The following MRTFB variants were observed in gnomAD, a reference collection of about 807,000 sequenced individuals.
MRTFB encodes myocardin-related transcription factor B.
In MRTFB, 29 loss-of-function variants were observed where a neutral mutation model predicts 104.2. The observed-to-expected ratio is 0.28, with a 90% CI of 0.21 to 0.38. The LOEUF is 0.38. Among genes scored for constraint, MRTFB ranks in the 10% least tolerant of loss-of-function variants. MRTFB has a pLI of 1.00. For synonymous variants in MRTFB, 535 were observed against 519.5 expected (o/e 1.03, Z -0.41); for missense variants, 1,270 against 1,341.6 (o/e 0.95, Z 0.83).
intron 15 of MRTFB, among the ~76,000 whole-genome samples, chr16:14,254,908 TCCTCA>T (rs2043414671): frequency 6.6e-6 from 1 of 152,196 alleles, no homozygotes; most frequent in Non-Finnish European, 1.5e-5. Context: ...ATTACAGCTG[TCCTCA>T]GTGATGGAAA....
Position 14,240,281 on chromosome 16 carries a change from G to A in MRTFB, c.876G>A (p.Lys292=), listed in dbSNP as rs761768122. ...KNPNDKHRSK[K]CKDPKPRVKK... is the part of the protein sequence containing the mutation. Reference sequence around the variant, plus strand: ...CAAATGACAAACACCGTAGCAAAAAGTGCAAAGATCCCAAACCACGGGTAA... The same window carrying A: ...CAAATGACAAACACCGTAGCAAAAAATGCAAAGATCCCAAACCACGGGTAA... Residue 292 remains lysine, a synonymous_variant, in exon 10 of 17, where the codon AAG becomes AAA. Transcript: ENST00000571589. 1.9e-6 allele frequency: 3 copies of A among 1,612,776 alleles called. No individual in the cohort carries two copies. The highest frequency in any genetic ancestry group is 1.7e-4 in the Middle Eastern group (1 of 6,046).
chr16:14,098,197 C>A (rs544892487), intron 2 of MRTFB, among the ~76,000 whole-genome samples: 1 of 152,182 alleles, frequency 6.6e-6, no homozygotes, highest in African/African-American at 2.4e-5. Context: ...CTTTTATATT[C>A]CCAACTGCAG....
At chr16:14,087,942 G>A (rs567160577) in intron 2 of MRTFB, among the ~76,000 whole-genome samples, 3 of 152,258 alleles carry the variant, frequency 2.0e-5, no homozygotes, top group African/African-American at 7.2e-5. Context: ...TCTCAGTTCA[G>A]TGCTTTTAAA....
At chr16:14,173,985 T>A (rs1195414325) in intron 3 of MRTFB, among the ~76,000 whole-genome samples, 1 of 152,146 alleles carries the variant, frequency 6.6e-6, no homozygotes, top group Non-Finnish European at 1.5e-5. Context: ...TACACAATCC[T>A]TTTTAGTTTT....
At chr16:14,097,296 A>T (rs1388545997) in intron 2 of MRTFB, among the ~76,000 whole-genome samples, 2 of 152,246 alleles carry the variant, frequency 1.3e-5, no homozygotes, top group Admixed American at 1.3e-4. Context: ...GTGACCAAGC[A>T]TTCAGTTCTG....
rs1347773842 is a variant in MRTFB at position 14,246,628 on chromosome 16, C to T, written c.1368C>T (p.Thr456=). The T allele has an allele frequency of 2.5e-6, 4 of 1,614,012 alleles. No individual in the cohort carries two copies. The highest frequency in any genetic ancestry group is 1.3e-5 in the African/African-American group (1 of 74,906). The change falls in exon 12 of 17, where the codon ACC becomes ACT. Residue 456 remains threonine, a synonymous_variant. Coordinates refer to ENST00000571589, the MANE Select transcript of MRTFB (RefSeq NM_001308142.2). ...CAGTGTCATCATCAGCCATTGTCAC[C>T]AGTAACCCAGAAGTCACTGTGGCCT... is the stretch of plus-strand genomic sequence containing the variant. ...IVAVSSSAIV[T]SNPEVTVALP...
intron 2 of MRTFB, among the ~76,000 whole-genome samples, chr16:14,127,791 AAT>A (rs1033642563): frequency 4.7e-5 from 7 of 148,904 alleles, no homozygotes; most frequent in Admixed American, 1.3e-4. Flanking sequence ...AGCAAAAGTG[AAT>A]ATATATATAT....
At position 14,140,669 on chromosome 16, in the gene MRTFB, A is replaced by G; in HGVS notation, c.63A>G (p.Pro21=). ...DEVGPLAHLA[P]SPQSEAVAHE... ...TGGGACCTTTAGCCCATCTTGCTCC[A>G]AGTCCTCAGAGTGAAGCTGTGGCTC... Residue 21 remains proline (P), a synonymous_variant, in exon 3 of 17, where the codon CCA becomes CCG. Transcript: ENST00000571589. 1.9e-6 allele frequency: 3 copies of G among 1,614,188 alleles called. No individual in the cohort carries two copies. The highest frequency in any genetic ancestry group is 2.5e-6 in the Non-Finnish European group (3 of 1,180,032).
intron 3 of MRTFB, chr16:14,200,370 A>T (rs2040634517): frequency 1.9e-6 from 3 of 1,607,770 alleles, no homozygotes; most frequent in Non-Finnish European, 1.7e-6. Context: ...TTGCAGCAGG[A>T]TAGTAATGAT....
the MRTFB span, among the ~76,000 whole-genome samples, chr16:14,026,641 A>G: frequency 6.6e-6 from 1 of 152,220 alleles, no homozygotes; most frequent in Admixed American, 6.5e-5. Flanking sequence ...ATATTTGCAA[A>G]ACACATATCC....
At chr16:14,061,122 G>A in the MRTFB span, among the ~76,000 whole-genome samples, 1 of 152,030 alleles carries the variant, frequency 6.6e-6, no homozygotes, top group African/African-American at 2.4e-5. Context: ...CTCCAGCCTG[G>A]GCGACAGCGC....
chr16:14,115,823 G>A (rs182334784), intron 2 of MRTFB, among the ~76,000 whole-genome samples: 4 of 152,262 alleles, frequency 2.6e-5, no homozygotes, highest in East Asian at 3.9e-4. Flanking sequence ...GCAGAGAACT[G>A]TAATAGGTGC....
the MRTFB span, among the ~76,000 whole-genome samples, chr16:14,017,999 G>C: frequency 6.6e-6 from 1 of 151,948 alleles, no homozygotes; most frequent in African/African-American, 2.4e-5. Context: ...TGGGGTTACA[G>C]GCATGAGTCA....
chr16:14,234,275 C>T lies in MRTFB; in HGVS notation c.823C>T (p.Leu275=), dbSNP rs199746902. Residue 275 remains leucine, a synonymous_variant, in exon 9 of 17, where the codon CTG becomes TTG. Transcript: ENST00000571589. Reference sequence around the variant, plus strand: ...GTCCTCAGCAAAGCCTGGCCCAGCACTGGTGAAGGTGGGTACTTTGGATAC... The same window carrying T: ...GTCCTCAGCAAAGCCTGGCCCAGCATTGGTGAAGGTGGGTACTTTGGATAC... ...TVSSAKPGPA[L]VKQSHPKNPN... is the part of the protein sequence containing the mutation. 1.4e-4 allele frequency: 232 copies of T among 1,614,082 alleles called. No homozygotes were observed. The highest frequency in any genetic ancestry group is 6.8e-4 in the Admixed American group (41 of 60,016).
At chr16:14,096,002 A>T (rs2035342534) in intron 2 of MRTFB, among the ~76,000 whole-genome samples, 2 of 152,202 alleles carry the variant, frequency 1.3e-5, no homozygotes, top group South Asian at 4.1e-4. Context: ...ATTGGTTAGT[A>T]CAGTTGTTCT....
At chr16:14,094,958 T>G (rs2035280566) in intron 2 of MRTFB, among the ~76,000 whole-genome samples, 1 of 152,196 alleles carries the variant, frequency 6.6e-6, no homozygotes, top group East Asian at 1.9e-4. Flanking sequence ...ACATTTCCTA[T>G]CAGAATTATT....
At chr16:14,211,352 C>T (rs1248466813) in intron 4 of MRTFB, among the ~76,000 whole-genome samples, 1 of 152,210 alleles carries the variant, frequency 6.6e-6, no homozygotes, top group Non-Finnish European at 1.5e-5. Context: ...GCTAGGCCAG[C>T]TCTAATCTGC....
At chr16:14,017,711 A>ATATATTTTT in the MRTFB span, among the ~76,000 whole-genome samples, 5 of 33,612 alleles carry the variant, frequency 1.5e-4, 1 homozygote, top group African/African-American at 7.1e-4. Flanking sequence ...ATATATATAT[A>ATATATTTTT]TTTTTTTTTT....
At chr16:14,039,836 C>T in the MRTFB span, among the ~76,000 whole-genome samples, 2 of 151,142 alleles carry the variant, frequency 1.3e-5, no homozygotes, top group Non-Finnish European at 2.9e-5. Context: ...GCAACCTCCG[C>T]CTCCCGGGTT....
Sources: allele counts gnomAD v4.1 joint callset (sites outside exome capture counted in the v4.1 genomes callset), GRCh38; gene constraint gnomAD v4.1.1; transcripts MANE v1.5; gene names NCBI Gene and HGNC (gene_info 2026-07-23, HGNC 2026-07-21).